Variants in PCDHGA7 observed in about 807,000 individuals in gnomAD.
PCDHGA7 encodes protocadherin gamma subfamily A, 7.
Under a neutral mutation model 58.3 loss-of-function variants are expected in PCDHGA7, and 44 were observed. The observed-to-expected ratio is 0.75, with a 90% CI of 0.59 to 0.97. The LOEUF is 0.97. PCDHGA7 is among the 50% of genes least tolerant of loss of function. The pLI, the probability that PCDHGA7 is intolerant of heterozygous loss-of-function variation, is 0.00. For synonymous variants in PCDHGA7, 516 were observed against 504.2 expected (o/e 1.02, Z -0.31); for missense variants, 1,266 against 1,188.7 (o/e 1.06, Z -0.96).
At chr5:141,409,776 T>C in intron 1 of PCDHGA7, 1 of 1,612,708 alleles carries the variant, frequency 6.2e-7, no homozygotes, top group Non-Finnish European at 8.5e-7. Context: ...CACGAGCAGC[T>C]GCGCGCCTTC....
intron 1 of PCDHGA7, chr5:141,393,474 C>G (rs773609499): frequency 3.1e-6 from 5 of 1,614,044 alleles, no homozygotes; most frequent in Non-Finnish European, 4.2e-6. Flanking sequence ...CGGCAAGCCG[C>G]CTCGCTCTAG....
At chr5:141,443,328 A>C (rs569134076) in intron 1 of PCDHGA7, among the ~76,000 whole-genome samples, 24 of 151,794 alleles carry the variant, frequency 1.6e-4, no homozygotes, top group African/African-American at 4.8e-4. Context: ...AAAAAAAAAA[A>C]ACAAAAATTA....
intron 1 of PCDHGA7, chr5:141,428,078 C>A (rs747287202): frequency 1.2e-6 from 2 of 1,609,216 alleles, no homozygotes; most frequent in Admixed American, 3.3e-5. Flanking sequence ...ATTCGGGACA[C>A]AACGCTTGGC....
chr5:141,423,546 G>A, intron 1 of PCDHGA7: 1 of 1,613,708 alleles, frequency 6.2e-7, no homozygotes, highest in Non-Finnish European at 8.5e-7. Flanking sequence ...TTTTCCCCCA[G>A]CCCAACTATG....
intron 1 of PCDHGA7, chr5:141,414,994 T>G (rs1390374290): frequency 6.2e-7 from 1 of 1,613,744 alleles, no homozygotes; most frequent in South Asian, 1.1e-5. Flanking sequence ...CCAGAACGCC[T>G]GGCTGTCCTA....
rs371280575 is a variant in PCDHGA7 at position 141,393,339 on chromosome 5, C to T, written c.2424+8016C>T. ...CCAGAGCTACCAGCTCAGCCCCAAT[C>T]ACCACTTCTCCCTGGACGTGCAGAC... On this transcript the variant is annotated intron_variant, in intron 1 of 3. Coordinates refer to ENST00000518325, the MANE Select transcript of PCDHGA7 (RefSeq NM_018920.4). 109 of 1,613,800 alleles carry T rather than the reference C, an allele frequency of 6.8e-5. No individual in the cohort carries two copies. The highest frequency in any genetic ancestry group is 9.2e-5 in the Non-Finnish European group (109 of 1,179,890).
intron 1 of PCDHGA7, chr5:141,419,384 G>T (rs1383174444): frequency 1.2e-6 from 2 of 1,613,554 alleles, no homozygotes; most frequent in East Asian, 2.2e-5. Flanking sequence ...GTCCGTGAGC[G>T]CGCAGAGCGG....
chr5:141,404,752 G>C, intron 1 of PCDHGA7: 1 of 1,614,010 alleles, frequency 6.2e-7, no homozygotes, highest in Non-Finnish European at 8.5e-7. Flanking sequence ...ACTCAGGCCA[G>C]AATGCTTGGC....
At chr5:141,409,638 C>A (rs1040366842) in intron 1 of PCDHGA7, 1 of 1,613,648 alleles carries the variant, frequency 6.2e-7, no homozygotes, top group Admixed American at 1.7e-5. Flanking sequence ...GCCTCTGACC[C>A]GGATTTGGGG....
chr5:141,429,697 C>T (rs2097236349), intron 1 of PCDHGA7, among the ~76,000 whole-genome samples: 1 of 152,134 alleles, frequency 6.6e-6, no homozygotes, highest in African/African-American at 2.4e-5. Context: ...AATATCTTTA[C>T]AGTATAAATA....
intron 1 of PCDHGA7, chr5:141,427,753 T>A (rs745532152): frequency 4.5e-6 from 6 of 1,322,510 alleles, no homozygotes; most frequent in Non-Finnish European, 6.4e-6. Flanking sequence ...TACTCCATCG[T>A]TACCACTGAC....
rs1193620622 is a variant in PCDHGA7, at chr5:141,512,906, G to A, written c.*1733G>A. On this transcript the variant is annotated 3_prime_UTR_variant, in exon 4 of 4. Coordinates refer to ENST00000518325, the MANE Select transcript of PCDHGA7 (RefSeq NM_018920.4). ...CACCCTCTTCCTGTGTCTCACGCAA[G>A]TTTTATACTCTAATATTTATATGGC... 2.0e-5 allele frequency: 3 copies of A among 152,206 alleles called. No homozygotes were observed. Among genetic ancestry groups the A allele is most frequent in the African/African-American group, 7.2e-5 (3 of 41,438 alleles). The allele number at this position is 152,206 out of a possible 1,614,324, so 9.4% of individuals were successfully genotyped here.
chr5:141,473,299 G>T (rs182316672), intron 1 of PCDHGA7, among the ~76,000 whole-genome samples: 5 of 152,228 alleles, frequency 3.3e-5, no homozygotes, highest in Admixed American at 1.3e-4. Flanking sequence ...GTAGCATAAA[G>T]ATTGCTATAT....
chr5:141,438,392 A>C (rs2097958012), intron 1 of PCDHGA7, among the ~76,000 whole-genome samples: 1 of 151,714 alleles, frequency 6.6e-6, no homozygotes, highest in African/African-American at 2.4e-5. Context: ...TTAGTTCATC[A>C]TTAACTCTCT....
intron 1 of PCDHGA7, chr5:141,419,170 C>G: frequency 6.2e-7 from 1 of 1,613,966 alleles, no homozygotes; most frequent in South Asian, 1.1e-5. Flanking sequence ...CCAGCAAAAC[C>G]ATAACCCTGC....
At chr5:141,503,005 G>A (rs915064303) in intron 2 of PCDHGA7, among the ~76,000 whole-genome samples, 16 of 145,340 alleles carry the variant, frequency 1.1e-4, no homozygotes, top group African/African-American at 2.3e-4. Flanking sequence ...CACCATGCCC[G>A]GTTAATTTTT....
intron 1 of PCDHGA7, among the ~76,000 whole-genome samples, chr5:141,430,226 T>C (rs1331325242): frequency 6.9e-6 from 1 of 144,216 alleles, no homozygotes; most frequent in Admixed American, 7.0e-5. Context: ...ATATGATTTG[T>C]CAAAAAGAGA....
chr5:141,470,113 A>C (rs1209326739), intron 1 of PCDHGA7, among the ~76,000 whole-genome samples: 1 of 152,126 alleles, frequency 6.6e-6, no homozygotes, highest in Non-Finnish European at 1.5e-5. Context: ...TGAGCAACAG[A>C]GCAAGACTTC....
At chr5:141,502,782 T>C (rs1200280465) in intron 2 of PCDHGA7, among the ~76,000 whole-genome samples, 1 of 152,132 alleles carries the variant, frequency 6.6e-6, no homozygotes, top group African/African-American at 2.4e-5. Context: ...GAAAATTACC[T>C]GGATGATTTC....
Sources: gnomAD v4.1 joint callset for allele counts (sites outside exome capture counted in the v4.1 genomes callset) on GRCh38, gnomAD v4.1.1 for gene constraint, MANE v1.5 for transcripts, NCBI Gene and HGNC (gene_info 2026-07-23, HGNC 2026-07-21) for gene names.